The following STIMATE variants were observed in gnomAD, a reference collection of about 807,000 sequenced individuals.
STIMATE encodes STIM activating enhancer, also known as store-operated calcium entry regulator STIMATE.
STIMATE carries 15 observed loss-of-function variants against 36.7 expected under a neutral mutation model. The observed-to-expected ratio is 0.41, with a 90% confidence interval of 0.27 to 0.63. The LOEUF is 0.63. STIMATE is among the 20% of genes least tolerant of loss of function. STIMATE has a pLI of 0.32. For synonymous variants in STIMATE, 163 were observed against 162.3 expected (o/e 1.00, Z -0.03); for missense variants, 305 against 397.3 (o/e 0.77, Z 1.98).
At chr3:52,886,193 G>A (rs2106727069) in intron 1 of STIMATE, among the ~76,000 whole-genome samples, 2 of 152,292 alleles carry the variant, frequency 1.3e-5, no homozygotes, top group South Asian at 4.2e-4. Flanking sequence ...GGGACAGTGG[G>A]GACCAAATGG....
At chr3:52,844,486 C>T (rs1700859868) in intron 5 of STIMATE, among the ~76,000 whole-genome samples, 1 of 152,238 alleles carries the variant, frequency 6.6e-6, no homozygotes. Context: ...CTCAGTTAAA[C>T]TACCAGCCAA....
At chr3:52,843,412 G>C (rs7647534) in intron 6 of STIMATE, among the ~76,000 whole-genome samples, 1 of 152,072 alleles carries the variant, frequency 6.6e-6, no homozygotes, top group East Asian at 1.9e-4. Context: ...CGATGGGTAC[G>C]TTTGGAACAA....
chr3:52,897,392 A>C lies in STIMATE; in HGVS notation c.59T>G (p.Val20Gly). 1 of 1,506,550 alleles carries C rather than the reference A, an allele frequency of 6.6e-7. No individual in the cohort carries two copies. Among genetic ancestry groups the C allele is most frequent in the Non-Finnish European group, 8.8e-7 (1 of 1,134,034 alleles). 93.3% of individuals were successfully genotyped at this position (1,506,550 alleles called of 1,614,324 possible). A position where few individuals can be genotyped will look rare whatever the true frequency, so the allele number is the denominator to read the frequency against. The change falls in exon 1 of 8, where the codon GTC (valine) becomes GGC (glycine). Residue 20 changes from valine (V) to glycine (G), a missense_variant. Val to Gly is a moderately radical substitution (Grantham distance 109, BLOSUM62 -3). Transcript: ENST00000355083. ...CTCGCAGCGGCCCGCCCCGGACGCGACTGTGGAGGGCGGCCCGCCTGGCAG... is the reference window on the plus strand; with the variant it reads ...CTCGCAGCGGCCCGCCCCGGACGCGCCTGTGGAGGGCGGCCCGCCTGGCAG... ...RGLPGGPPST[V>G]ASGAGRCESG...
At chr3:52,866,366 T>C (rs1701311154) in intron 1 of STIMATE, among the ~76,000 whole-genome samples, 1 of 152,208 alleles carries the variant, frequency 6.6e-6, no homozygotes, top group Non-Finnish European at 1.5e-5. Flanking sequence ...CTTGCCACCG[T>C]CTACCGCCTT....
chr3:52,893,248 C>A (rs1286328841), intron 1 of STIMATE, among the ~76,000 whole-genome samples: 3 of 151,784 alleles, frequency 2.0e-5, no homozygotes, highest in Non-Finnish European at 2.9e-5. Flanking sequence ...ATTATTAATT[C>A]TCTTAAGTAT....
At chr3:52,891,160 G>A (rs1471966099) in intron 1 of STIMATE, among the ~76,000 whole-genome samples, 1 of 152,226 alleles carries the variant, frequency 6.6e-6, no homozygotes, top group Non-Finnish European at 1.5e-5. Context: ...AGTAGCCACA[G>A]ATACGGAGTA....
chr3:52,844,705 G>T (rs7650966), intron 5 of STIMATE, 124 bp downstream of exon 5: 12 of 1,098,768 alleles, frequency 1.1e-5, no homozygotes. Context: ...CAGACCAAAT[G>T]CAGGACACAT....
intron 5 of STIMATE, 62 bp from the exon 6 acceptor site, chr3:52,843,860 G>A (rs534838245): frequency 3.1e-6 from 5 of 1,600,976 alleles, no homozygotes; most frequent in South Asian, 2.2e-5. Flanking sequence ...CCTGGGGTGG[G>A]TGGGTGGTAC....
chr3:52,849,589 G>A (rs1361255196), intron 4 of STIMATE, among the ~76,000 whole-genome samples: 2 of 151,908 alleles, frequency 1.3e-5, no homozygotes, highest in African/African-American at 4.8e-5. Flanking sequence ...CTGCCATAAG[G>A]TGAGGGCCTT....
chr3:52,864,712 T>G (rs1701273673), intron 1 of STIMATE, among the ~76,000 whole-genome samples: 1 of 152,214 alleles, frequency 6.6e-6, no homozygotes, highest in South Asian at 2.1e-4. Context: ...TTGAATGCCT[T>G]GCTGCTTAGA....
intron 6 of STIMATE, 72 bp downstream of exon 6, chr3:52,843,649 G>C: frequency 1.2e-6 from 2 of 1,610,670 alleles, no homozygotes; most frequent in Non-Finnish European, 8.5e-7. Context: ...CTTTCTGTCA[G>C]ACTCAGAACT....
intron 1 of STIMATE, among the ~76,000 whole-genome samples, chr3:52,891,231 G>C (rs928837691): frequency 6.6e-6 from 1 of 152,188 alleles, no homozygotes; most frequent in Non-Finnish European, 1.5e-5. Flanking sequence ...CAGAGGAAGT[G>C]GCTCAGGGTG....
Position 52,837,346 on chromosome 3 carries a change from T to C in STIMATE, c.*3148A>G, listed in dbSNP as rs1700721459. 6.6e-6 allele frequency: 1 copy of C among 152,306 alleles called. No individual in the cohort carries two copies. Among genetic ancestry groups the C allele is most frequent in the Admixed American group, 6.5e-5 (1 of 15,288 alleles). The allele number at this position is 152,306 out of a possible 1,614,324, so 9.4% of individuals were successfully genotyped here. On this transcript the variant is annotated 3_prime_UTR_variant, in exon 8 of 8. Transcript: ENST00000355083. ...AAGTCACAGCTTGGATTTGAGCCTT[T>C]TAATATTTTCCCTGAAGAAAGAGGC...
At chr3:52,852,361 A>G (rs770164579) in intron 3 of STIMATE, among the ~76,000 whole-genome samples, 2 of 152,232 alleles carry the variant, frequency 1.3e-5, no homozygotes, top group Non-Finnish European at 2.9e-5. Flanking sequence ...ACTTGGATTG[A>G]TGAACAGAAA....
chr3:52,893,556 A>T (rs1701816407), intron 1 of STIMATE, among the ~76,000 whole-genome samples: 2 of 152,172 alleles, frequency 1.3e-5, no homozygotes, highest in Non-Finnish European at 2.9e-5. Flanking sequence ...TGCCAACACA[A>T]GCCTGTTCAC....
At chr3:52,868,026 A>G (rs533475228) in intron 1 of STIMATE, among the ~76,000 whole-genome samples, 38 of 152,174 alleles carry the variant, frequency 2.5e-4, no homozygotes, top group Non-Finnish European at 4.7e-4. Flanking sequence ...CTGAGGGGTG[A>G]GCAAATCTAT....
intron 4 of STIMATE, among the ~76,000 whole-genome samples, chr3:52,849,402 T>C (rs563277227): frequency 1.3e-5 from 2 of 152,222 alleles, no homozygotes; most frequent in African/African-American, 4.8e-5. Flanking sequence ...CTTCGAAAAA[T>C]GAGAGCTGCC....
Position 52,860,123 on chromosome 3 carries a change from G to A in STIMATE, c.161-4679C>T, listed in dbSNP as rs1198020271. On this transcript the variant is annotated intron_variant, in intron 1 of 7. Coordinates refer to ENST00000355083, the MANE Select transcript of STIMATE (RefSeq NM_198563.5). Reference sequence around the variant, plus strand: ...TTCTCCCAGTCAAATTTGGTAAAGGGGGTAAAAAAAAAAAAACAGAAAAAT... The same window carrying A: ...TTCTCCCAGTCAAATTTGGTAAAGGAGGTAAAAAAAAAAAAACAGAAAAAT... Among the ~76,000 whole-genome samples the A allele has an allele frequency of 1.9e-4, 8 of 41,068 alleles. No homozygotes were observed. The Non-Finnish European group carries it at 2.2e-3, about 11-fold the overall frequency. 26.9% of individuals were successfully genotyped at this position (41,068 alleles called of 152,430 possible).
Position 52,855,450 on chromosome 3 carries a change from A to G in STIMATE, c.161-6T>C. ...TGGTTCTCTGAAGCGTTTGACTGAA[A>G]GAAAAGACAGACATCAGTAGTTTTC... On this transcript the variant is annotated splice_polypyrimidine_tract_variant and splice_region_variant and intron_variant, in intron 1 of 7. Coordinates refer to ENST00000355083, the MANE Select transcript of STIMATE (RefSeq NM_198563.5). 1 of 1,614,200 alleles carries G rather than the reference A, an allele frequency of 6.2e-7. No individual in the cohort carries two copies. The highest frequency in any genetic ancestry group is 8.5e-7 in the Non-Finnish European group (1 of 1,180,020).
Sources: allele counts gnomAD v4.1 joint callset (sites outside exome capture counted in the v4.1 genomes callset), GRCh38; gene constraint gnomAD v4.1.1; transcripts MANE v1.5; gene names NCBI Gene and HGNC (gene_info 2026-07-23, HGNC 2026-07-21).